CTNNBIP1: variants seen among roughly 807,000 people sequenced by gnomAD.
The protein encoded by CTNNBIP1 is beta-catenin-interacting protein 1.
Under a neutral mutation model 11.8 loss-of-function variants are expected in CTNNBIP1, and 7 were observed. The observed-to-expected ratio is 0.60, with a 90% CI of 0.34 to 1.12. The LOEUF (loss-of-function observed/expected upper bound fraction) is 1.12, where lower values mean the gene tolerates loss of function less well. CTNNBIP1 is among the 50% of genes most tolerant of loss of function. CTNNBIP1 has a pLI of 0.03. For synonymous variants in CTNNBIP1, 58 were observed against 43.9 expected (o/e 1.32, Z -1.26); for missense variants, 101 against 113.4 (o/e 0.89, Z 0.50).
intron 5 of CTNNBIP1, among the ~76,000 whole-genome samples, chr1:9,863,845 C>T (rs896831700): frequency 6.6e-6 from 1 of 152,184 alleles, no homozygotes; most frequent in African/African-American, 2.4e-5. Flanking sequence ...ATCATGCCAC[C>T]ACCCCTAATA....
chr1:9,894,610 C>A (rs1639373114), intron 1 of CTNNBIP1, among the ~76,000 whole-genome samples: 1 of 152,022 alleles, frequency 6.6e-6, no homozygotes, highest in African/African-American at 2.4e-5. Context: ...TCACTGCAAC[C>A]TCCACCTCCC....
intron 5 of CTNNBIP1, among the ~76,000 whole-genome samples, chr1:9,869,118 G>C (rs1341259466): frequency 6.6e-6 from 1 of 151,712 alleles, no homozygotes; most frequent in Non-Finnish European, 1.5e-5. Flanking sequence ...TCTCACCTCA[G>C]CCTCCCTAGT....
At chr1:9,866,755 G>A (rs1000195035) in intron 5 of CTNNBIP1, among the ~76,000 whole-genome samples, 2 of 152,074 alleles carry the variant, frequency 1.3e-5, no homozygotes, top group South Asian at 4.2e-4. Context: ...AGCTGTGGGG[G>A]TAGAGAGCAG....
intron 2 of CTNNBIP1, among the ~76,000 whole-genome samples, chr1:9,882,774 G>A (rs1639110868): frequency 6.6e-6 from 1 of 152,128 alleles, no homozygotes; most frequent in Admixed American, 6.5e-5. Flanking sequence ...CATGTCCAGG[G>A]TGAGGCCCCA....
At chr1:9,860,443 A>C (rs1431037453) in intron 5 of CTNNBIP1, among the ~76,000 whole-genome samples, 39 of 150,292 alleles carry the variant, frequency 2.6e-4, no homozygotes, top group Middle Eastern at 6.9e-3. Flanking sequence ...AAAAAAAAAA[A>C]AAAAAAAAAA....
chr1:9,873,552 T>C (rs1319275548), intron 3 of CTNNBIP1, among the ~76,000 whole-genome samples: 2 of 151,834 alleles, frequency 1.3e-5, no homozygotes, highest in African/African-American at 2.4e-5. Flanking sequence ...GCACTGCCAA[T>C]CTGGAGCTGG....
chr1:9,866,629 G>A (rs1457838884), intron 5 of CTNNBIP1, among the ~76,000 whole-genome samples: 1 of 150,640 alleles, frequency 6.6e-6, no homozygotes, highest in Non-Finnish European at 1.5e-5. Flanking sequence ...GCAGTGAGCC[G>A]AGATCACGCC....
chr1:9,885,722 T>C (rs1403857058), intron 1 of CTNNBIP1, among the ~76,000 whole-genome samples: 2 of 151,586 alleles, frequency 1.3e-5, no homozygotes, highest in Non-Finnish European at 2.9e-5. Context: ...GGCGGGTGGA[T>C]CACCTGAGGT....
intron 5 of CTNNBIP1, among the ~76,000 whole-genome samples, chr1:9,860,445 A>G (rs960216219): frequency 3.3e-5 from 5 of 150,300 alleles, no homozygotes; most frequent in Non-Finnish European, 7.4e-5. Flanking sequence ...AAAAAAAAAA[A>G]AAAAAAAAAC....
chr1:9,909,845 G>C (rs1159729859), intron 1 of CTNNBIP1, among the ~76,000 whole-genome samples: 1 of 152,104 alleles, frequency 6.6e-6, no homozygotes, highest in Non-Finnish European at 1.5e-5. Flanking sequence ...GCAACAAGGT[G>C]GGCGGCGCGG....
Position 9,883,120 on chromosome 1 carries a change from C to T in CTNNBIP1, c.-110+585G>A, listed in dbSNP as rs923822585. ...TGCCTGGGTGGCAGCAGCGGGACGG[C>T]GCAGGAGGGTAGGTCAGGGACCGGG... On this transcript the variant is annotated intron_variant, in intron 2 of 5. Transcript: ENST00000377263. This position sits in a 1 kb window ranked among gnomAD's most constrained non-coding sequence, Gnocchi z 5.6. Among the ~76,000 whole-genome samples, 1 of 151,952 alleles carries T rather than the reference C, an allele frequency of 6.6e-6. No individual in the cohort carries two copies. Among genetic ancestry groups the T allele is most frequent in the Non-Finnish European group, 1.5e-5 (1 of 67,982 alleles).
intron 1 of CTNNBIP1, among the ~76,000 whole-genome samples, chr1:9,908,796 G>A (rs1456797176): frequency 6.6e-6 from 1 of 152,086 alleles, no homozygotes; most frequent in Admixed American, 6.6e-5. Context: ...CTCTGAGGAG[G>A]GCAGAAACCG....
chr1:9,861,648 G>A (rs138240539), intron 5 of CTNNBIP1, among the ~76,000 whole-genome samples: 2,998 of 152,328 alleles, frequency 0.02, 48 homozygotes, highest in South Asian at 0.031. Flanking sequence ...CTGTGTGGAC[G>A]TGCATCGAGC....
intron 5 of CTNNBIP1, among the ~76,000 whole-genome samples, chr1:9,860,313 G>A (rs778091465): frequency 2.6e-5 from 4 of 151,842 alleles, no homozygotes; most frequent in Admixed American, 1.3e-4. Flanking sequence ...ATTCTAGGCC[G>A]GGTGTGGTGG....
chr1:9,896,236 T>G (rs962496609), intron 1 of CTNNBIP1, among the ~76,000 whole-genome samples: 1 of 152,234 alleles, frequency 6.6e-6, no homozygotes, highest in Non-Finnish European at 1.5e-5. Context: ...ATGTATCTGA[T>G]GTATCAGTGT....
intron 2 of CTNNBIP1, among the ~76,000 whole-genome samples, chr1:9,878,536 T>C (rs1246804382): frequency 6.6e-6 from 1 of 152,216 alleles, no homozygotes; most frequent in Admixed American, 6.5e-5. Context: ...AAAAGCACAG[T>C]CGCAGCTTGT....
At chr1:9,908,417 AGACT>A (rs1388678210) in intron 1 of CTNNBIP1, among the ~76,000 whole-genome samples, 2 of 133,502 alleles carry the variant, frequency 1.5e-5, no homozygotes, top group Non-Finnish European at 3.1e-5. Context: ...TCTGTCGCCC[AGACT>A]GGAGTGCAGT....
At position 9,851,974 on chromosome 1, in the gene CTNNBIP1, G is replaced by A. The variant is rs886225303; in HGVS notation, c.188-1198C>T. 4.6e-5 allele frequency among the ~76,000 whole-genome samples: 7 copies of A among 152,164 alleles called. No individual in the cohort carries two copies. Among genetic ancestry groups the A allele is most frequent in the Non-Finnish European group, 8.8e-5 (6 of 68,032 alleles). ...AAAGGCCAGATCTTCACTTTGCCCC[G>A]AAAAGTACCAGTCTGGCTGCCCATG... On this transcript the variant is annotated intron_variant, in intron 5 of 5. Coordinates refer to ENST00000377263, the MANE Select transcript of CTNNBIP1 (RefSeq NM_020248.3). The surrounding 1 kb of genome is among the most constrained non-coding windows in gnomAD (Gnocchi z 4.8).
At chr1:9,854,139 C>T (rs986723332) in intron 5 of CTNNBIP1, among the ~76,000 whole-genome samples, 1 of 152,188 alleles carries the variant, frequency 6.6e-6, no homozygotes, top group Non-Finnish European at 1.5e-5. Flanking sequence ...CTTTGGGAGG[C>T]AGAGGCAGGT....
Sources: gnomAD v4.1 joint callset for allele counts (sites outside exome capture counted in the v4.1 genomes callset) on GRCh38, gnomAD v4.1.1 for gene constraint, Gnocchi (gnomAD v3.1) non-coding constraint, MANE v1.5 for transcripts, NCBI Gene and HGNC (gene_info 2026-07-23, HGNC 2026-07-21) for gene names.